The following F13A1 variants were observed in gnomAD, a reference collection of about 807,000 sequenced individuals.
F13A1 encodes the protein FSF, A subunit.
A neutral mutation model predicts 80.1 loss-of-function variants in F13A1; 47 were observed. That is an observed-to-expected ratio of 0.59 (90% confidence interval 0.46 to 0.75). The LOEUF (loss-of-function observed/expected upper bound fraction) is 0.75, where lower values mean the gene tolerates loss of function less well. F13A1 is among the 30% of genes least tolerant of loss of function. The pLI is 0.00. For synonymous variants in F13A1, 349 were observed against 344.9 expected (o/e 1.01, Z -0.13); for missense variants, 817 against 930.4 (o/e 0.88, Z 1.59).
intron 1 of F13A1, among the ~76,000 whole-genome samples, chr6:6,320,028 G>A (rs755040526): frequency 6.6e-6 from 1 of 152,214 alleles, no homozygotes; most frequent in Non-Finnish European, 1.5e-5. Flanking sequence ...ACAGTGCTAA[G>A]GGGGAGAAGG....
chr6:6,185,615 C>CT (rs1761067089), intron 10 of F13A1, among the ~76,000 whole-genome samples: 1 of 151,704 alleles, frequency 6.6e-6, no homozygotes, highest in South Asian at 2.1e-4. Flanking sequence ...TTAATCCAGT[C>CT]TATCATTGTT....
At chr6:6,298,829 G>A (rs1356914232) in intron 3 of F13A1, among the ~76,000 whole-genome samples, 2 of 149,398 alleles carry the variant, frequency 1.3e-5, no homozygotes, top group East Asian at 3.8e-4. Flanking sequence ...AGTTGATGGA[G>A]TTTCTTCCTA....
chr6:6,151,882 T>C lies in F13A1; in HGVS notation c.1976A>G (p.Glu659Gly). 1 of 1,614,104 alleles carries C rather than the reference T, an allele frequency of 6.2e-7. No homozygotes were observed. The highest frequency in any genetic ancestry group is 8.5e-7 in the Non-Finnish European group (1 of 1,179,968). The stretch of plus-strand genomic sequence containing the variant: ...GTGTACCCAGACATTTCGCAGGGTT[T>C]CTTTTAAAGGATTGGTAAACTCAAC... ...VTVEFTNPLK[E>G]TLRNVWVHLD... is the part of the protein sequence containing the mutation. The change falls in exon 14 of 15, where the codon GAA becomes GGA. Residue 659 changes from glutamate to glycine, a missense_variant. Glu to Gly is a moderately conservative substitution (Grantham distance 98, BLOSUM62 -2). Transcript: ENST00000264870.
chr6:6,208,528 ATAT>A (rs1226470934), intron 8 of F13A1, among the ~76,000 whole-genome samples: 3 of 152,228 alleles, frequency 2.0e-5, no homozygotes, highest in Non-Finnish European at 4.4e-5. Flanking sequence ...TCAATGAAAG[ATAT>A]TATTATGTAC....
intron 13 of F13A1, 79 bp downstream of exon 13, chr6:6,167,378 AT>A: frequency 7.0e-7 from 1 of 1,429,512 alleles, no homozygotes. Flanking sequence ...ACACACACAC[AT>A]ACAAGCACGC....
At position 6,300,033 on chromosome 6, in the gene F13A1, TG is replaced by T. The variant is rs1583119471; in HGVS notation, c.319+5317del. 6.1e-5 allele frequency among the ~76,000 whole-genome samples: 9 copies of T among 147,254 alleles called. No individual in the cohort carries two copies. In the South Asian group the frequency reaches 1.9e-3, roughly 31 times the overall value. ...GTGTGAAGTGTCAGTGTGCCCCTGC[TG>T]GGGGGTGCCTCCCAGTTAGGCTGCT... On this transcript the variant is annotated intron_variant, in intron 3 of 14. Coordinates refer to ENST00000264870, the MANE Select transcript of F13A1 (RefSeq NM_000129.4).
chr6:6,248,309 T>A lies in F13A1; in HGVS notation c.798+3A>T. ...ATTTTAGGTATCAGTAATTGCTGCT[T>A]ACCATTGCAGACCCCACACGGCTGA... On this transcript the variant is annotated splice_donor_region_variant and intron_variant, in intron 6 of 14. Transcript: ENST00000264870. 6.2e-7 allele frequency: 1 copy of A among 1,613,090 alleles called. No individual in the cohort carries two copies. Among genetic ancestry groups the A allele is most frequent in the Non-Finnish European group, 8.5e-7 (1 of 1,179,164 alleles).
intron 13 of F13A1, among the ~76,000 whole-genome samples, chr6:6,160,833 C>CT (rs1760560647): frequency 6.7e-6 from 1 of 148,520 alleles, no homozygotes; most frequent in Non-Finnish European, 1.5e-5. Flanking sequence ...TGGAAACAGT[C>CT]AATTGTCCTC....
intron 10 of F13A1, 50 bp downstream of exon 10, chr6:6,195,747 G>T: frequency 6.6e-7 from 1 of 1,524,726 alleles, no homozygotes; most frequent in Non-Finnish European, 9.1e-7. Context: ...TCTTTCATGT[G>T]TTAAGAGGTT....
chr6:6,159,137 G>A (rs768776617), intron 13 of F13A1, among the ~76,000 whole-genome samples: 31 of 152,000 alleles, frequency 2.0e-4, no homozygotes, highest in East Asian at 3.9e-4. Context: ...TCCTGACCTC[G>A]TGATCCACCC....
rs540215373 is a variant in F13A1, at chr6:6,188,827, A to G, written c.1306-6686T>C. Among the ~76,000 whole-genome samples, 449 of 69,384 alleles carry G rather than the reference A, an allele frequency of 6.5e-3. 115 individuals are homozygous for G. Among genetic ancestry groups the G allele is most frequent in the Non-Finnish European group, 9.2e-3 (370 of 40,378 alleles). 45.5% of individuals were successfully genotyped at this position (69,384 alleles called of 152,430 possible). ...TGTCTAATGTTGACAGTGGGGTGTT[A>G]AAGTCTCCCATTATTAATGTGTGGG... is the stretch of plus-strand genomic sequence containing the variant. On this transcript the variant is annotated intron_variant, in intron 10 of 14. Transcript: ENST00000264870.
chr6:6,293,313 G>C (rs1422763553), intron 3 of F13A1, among the ~76,000 whole-genome samples: 3 of 152,098 alleles, frequency 2.0e-5, no homozygotes, highest in African/African-American at 7.2e-5. Context: ...AGGGGCCCAT[G>C]TCAAAGTAAC....
chr6:6,279,688 A>G (rs1758035341), intron 3 of F13A1, among the ~76,000 whole-genome samples: 1 of 152,214 alleles, frequency 6.6e-6, no homozygotes, highest in Admixed American at 6.5e-5. Flanking sequence ...GCAAATGGCA[A>G]GTCTATGGAG....
At chr6:6,270,653 G>A (rs1757908578) in intron 3 of F13A1, among the ~76,000 whole-genome samples, 1 of 152,184 alleles carries the variant, frequency 6.6e-6, no homozygotes, top group Admixed American at 6.5e-5. Context: ...GGCAGAAGTG[G>A]AGACAGAACT....
At chr6:6,301,536 TTTAGAA>T (rs1561684534) in intron 3 of F13A1, among the ~76,000 whole-genome samples, 1 of 152,194 alleles carries the variant, frequency 6.6e-6, no homozygotes, top group African/African-American at 2.4e-5. Context: ...TTCTGAAAGG[TTTAGAA>T]TACATGTTGG....
intron 8 of F13A1, among the ~76,000 whole-genome samples, chr6:6,212,612 A>T (rs1285455319): frequency 1.3e-5 from 2 of 152,244 alleles, no homozygotes; most frequent in African/African-American, 4.8e-5. Context: ...AACTCTAAAA[A>T]GCAGAGCGCC....
intron 8 of F13A1, among the ~76,000 whole-genome samples, chr6:6,208,497 A>G (rs1283661854): frequency 6.6e-6 from 1 of 152,182 alleles, no homozygotes; most frequent in African/African-American, 2.4e-5. Flanking sequence ...TGAAGAAACG[A>G]TAGCCAAAAA....
chr6:6,300,817 T>C (rs1425772418), intron 3 of F13A1, among the ~76,000 whole-genome samples: 1 of 122,998 alleles, frequency 8.1e-6, no homozygotes, highest in African/African-American at 5.3e-5. Flanking sequence ...TTTATTCTCG[T>C]CTGTTTTTTT....
chr6:6,184,424 G>T (rs1416786733), intron 10 of F13A1, among the ~76,000 whole-genome samples: 1 of 152,214 alleles, frequency 6.6e-6, no homozygotes, highest in Non-Finnish European at 1.5e-5. Context: ...GATAAACGGT[G>T]GCCCTGCCCC....
Sources: allele counts gnomAD v4.1 joint callset (sites outside exome capture counted in the v4.1 genomes callset), GRCh38; gene constraint gnomAD v4.1.1; transcripts MANE v1.5; gene names NCBI Gene and HGNC (gene_info 2026-07-23, HGNC 2026-07-21).